The following COG6 variants were observed in gnomAD, a reference collection of about 807,000 sequenced individuals.
COG6 encodes component of oligomeric golgi complex 6.
Under a neutral mutation model 88.8 loss-of-function variants are expected in COG6, and 74 were observed. The ratio of observed to expected loss-of-function variants is 0.83; its 90% CI spans 0.69 to 1.01. The LOEUF is 1.01. Ranked by LOEUF, COG6 falls within the 50% of genes least tolerant of loss-of-function variation. COG6 has a pLI of 0.00. For missense variants in COG6, 800 were observed against 797.9 expected, an observed-to-expected ratio of 1.00 and a Z score of -0.03; for synonymous variants, 286 against 278.7, an observed-to-expected ratio of 1.03 and a Z score of -0.26.
At chr13:39,679,849 A>G (rs949138353) in intron 6 of COG6, 126 bp from the exon 7 acceptor site, 4 of 688,846 alleles carry the variant, frequency 5.8e-6, no homozygotes, top group East Asian at 5.4e-5. Context: ...AAAATTATTG[A>G]AAAATCATCC....
downstream of COG6, among the ~76,000 whole-genome samples, chr13:39,756,189 A>G (rs1880828547): frequency 6.6e-6 from 1 of 152,186 alleles, no homozygotes; most frequent in Non-Finnish European, 1.5e-5. Flanking sequence ...AAAAGTTTAA[A>G]GTTACACTTT....
In COG6 at chr13:39,751,642, T is replaced by C; in HGVS notation, c.*549T>C. On this transcript the variant is annotated 3_prime_UTR_variant, in exon 19 of 19. Coordinates refer to ENST00000455146, the MANE Select transcript of COG6 (RefSeq NM_020751.3). ...AATAACAGTGAATGTGCTCCTGGTG[T>C]ATATGGCAGTGAATCTCCTTTCTGT... 1 of 1,287,002 alleles carries C rather than the reference T, an allele frequency of 7.8e-7. No homozygotes were observed. Among genetic ancestry groups the C allele is most frequent in the South Asian group, 1.2e-5 (1 of 80,932 alleles). The allele number at this position is 1,287,002 out of a possible 1,614,324, so 79.7% of individuals were successfully genotyped here.
At chr13:39,656,372 C>A in intron 1 of COG6, 1 of 345,248 alleles carries the variant, frequency 2.9e-6, no homozygotes, top group Non-Finnish European at 5.7e-6. Context: ...ATTTGCAGCG[C>A]GAAAGAACTA....
chr13:39,692,030 T>C (rs1045182263), intron 11 of COG6, among the ~76,000 whole-genome samples: 3 of 152,046 alleles, frequency 2.0e-5, no homozygotes, highest in African/African-American at 7.2e-5. Context: ...ATATTTGATT[T>C]ATTCTACCTT....
rs926890726 is a variant in COG6, at chr13:39,719,174, A to G, written c.1285-62A>G. 7 of 1,532,140 alleles carry G rather than the reference A, an allele frequency of 4.6e-6. No homozygotes were observed. In the Admixed American group the frequency reaches 8.4e-5, roughly 18 times the overall value. 94.9% of individuals were successfully genotyped at this position (1,532,140 alleles called of 1,614,324 possible). ...ACATTTTTTTTTACTATGAACTTAC[A>G]TTTATACATTAAAATTTAGTGGAAA... On this transcript the variant is annotated intron_variant, in intron 13 of 18. Coordinates refer to ENST00000455146, the MANE Select transcript of COG6 (RefSeq NM_020751.3).
intron 18 of COG6, among the ~76,000 whole-genome samples, chr13:39,774,268 A>G (rs1346061762): frequency 6.6e-6 from 1 of 152,216 alleles, no homozygotes; most frequent in Non-Finnish European, 1.5e-5. Flanking sequence ...TCTTTTTGCC[A>G]GTGAAAAATC....
At chr13:39,656,105 C>T (rs568303911) in intron 1 of COG6, 86 of 682,056 alleles carry the variant, frequency 1.3e-4, no homozygotes, top group African/African-American at 1.2e-3. Flanking sequence ...GGTGTTCTCT[C>T]CACCTGAAAA....
downstream of COG6, among the ~76,000 whole-genome samples, chr13:39,756,183 G>A (rs1880828250): frequency 6.6e-6 from 1 of 152,040 alleles, no homozygotes; most frequent in South Asian, 2.1e-4. Context: ...AATTTTAAAA[G>A]TTTAAAGTTA....
chr13:39,752,320 A>G lies in COG6; in HGVS notation c.*1227A>G. 1.2e-6 allele frequency: 1 copy of G among 830,540 alleles called. No individual in the cohort carries two copies. Among genetic ancestry groups the G allele is most frequent in the Non-Finnish European group, 1.7e-6 (1 of 603,872 alleles). 51.4% of individuals were successfully genotyped at this position (830,540 alleles called of 1,614,324 possible). On this transcript the variant is annotated 3_prime_UTR_variant, in exon 19 of 19. Coordinates refer to ENST00000455146, the MANE Select transcript of COG6 (RefSeq NM_020751.3). Reference sequence around the variant, plus strand: ...TGTTGTATATAACAAATTAGTATTTATAGAATATGACCTATTTATCTGAAG... The same window carrying G: ...TGTTGTATATAACAAATTAGTATTTGTAGAATATGACCTATTTATCTGAAG...
At chr13:39,689,708 A>G (rs1876868558) in intron 10 of COG6, 52 bp from the exon 11 acceptor site, 1 of 1,305,776 alleles carries the variant, frequency 7.7e-7, no homozygotes, top group Non-Finnish European at 1.1e-6. Context: ...AACTTATATG[A>G]AGCAAAGTAT....
At chr13:39,659,830 C>T (rs1874784364) in intron 2 of COG6, among the ~76,000 whole-genome samples, 1 of 152,086 alleles carries the variant, frequency 6.6e-6, no homozygotes, top group Non-Finnish European at 1.5e-5. Context: ...TTGCATAAAC[C>T]TCTCTTGGAT....
chr13:39,761,804 G>A (rs546485057), intron 18 of COG6, among the ~76,000 whole-genome samples: 2 of 151,178 alleles, frequency 1.3e-5, no homozygotes, highest in South Asian at 2.1e-4. Flanking sequence ...TAATCATCAG[G>A]GAAATGCAAA....
At chr13:39,714,308 G>C (rs777862351) in intron 13 of COG6, among the ~76,000 whole-genome samples, 3 of 151,316 alleles carry the variant, frequency 2.0e-5, no homozygotes, top group African/African-American at 7.3e-5. Context: ...AAATGCTTCT[G>C]TATAGCCAAA....
At chr13:39,764,323 G>T (rs1365003716) in intron 18 of COG6, among the ~76,000 whole-genome samples, 1 of 122,010 alleles carries the variant, frequency 8.2e-6, no homozygotes, top group Non-Finnish European at 1.8e-5. Context: ...GTTTTACTTG[G>T]TTGATTTTTT....
rs759831168 is a variant in COG6, at chr13:39,687,505, A to G, written c.791A>G (p.Tyr264Cys). The change falls in exon 9 of 19, where the codon TAT (tyrosine) becomes TGT (cysteine). Residue 264 changes from tyrosine (Y) to cysteine (C), a missense_variant and splice_region_variant. Transcript: ENST00000455146. ...ALQDRPVLYK[Y>C]TLDEFGTARR... ...TTTATATAACTTGTTTCTTCTAGAT[A>G]TACCTTAGATGAATTTGGAACAGCC... is the stretch of plus-strand genomic sequence containing the variant. 11 of 1,612,208 alleles carry G rather than the reference A, an allele frequency of 6.8e-6. No homozygotes were observed. The highest frequency in any genetic ancestry group is 4.5e-5 in the East Asian group (2 of 44,842).
At chr13:39,737,498 G>T (rs983807088) in intron 18 of COG6, among the ~76,000 whole-genome samples, 2 of 150,230 alleles carry the variant, frequency 1.3e-5, no homozygotes, top group Non-Finnish European at 3.0e-5. Context: ...TATATGTGGT[G>T]TTCTGTTCTG....
Position 39,665,107 on chromosome 13 carries a change from A to G in COG6, c.381A>G (p.Glu127=). The change falls in exon 4 of 19, where the codon GAA becomes GAG. Residue 127 remains glutamate, a synonymous_variant. Coordinates refer to ENST00000455146, the MANE Select transcript of COG6 (RefSeq NM_020751.3). ...DMTSRLQAAK[E]QTQDLIVKTT... is the part of the protein sequence containing the mutation. ...GTTTATAATTTTAGGCAGCAAAGGA[A>G]CAGACTCAAGATTTAATAGTAAAAA... 2 of 1,482,524 alleles carry G rather than the reference A, an allele frequency of 1.3e-6. No individual in the cohort carries two copies. The highest frequency in any genetic ancestry group is 1.9e-6 in the Non-Finnish European group (2 of 1,061,044). 91.8% of individuals were successfully genotyped at this position (1,482,524 alleles called of 1,614,324 possible).
intron 11 of COG6, 81 bp from the exon 12 acceptor site, chr13:39,694,553 T>C: frequency 1.2e-6 from 1 of 825,290 alleles, no homozygotes; most frequent in South Asian, 1.4e-5. Flanking sequence ...ATCTTTGTTA[T>C]GCTATTCATA....
intron 18 of COG6, among the ~76,000 whole-genome samples, chr13:39,761,637 A>T (rs537635554): frequency 6.6e-6 from 1 of 152,032 alleles, no homozygotes; most frequent in African/African-American, 2.4e-5. Flanking sequence ...CTGACAAGGG[A>T]TTAATATTTA....
Sources: allele counts gnomAD v4.1 joint callset (sites outside exome capture counted in the v4.1 genomes callset), GRCh38; gene constraint gnomAD v4.1.1; transcripts MANE v1.5; gene names NCBI Gene and HGNC (gene_info 2026-07-23, HGNC 2026-07-21).